Variants in SLC45A2 observed in about 807,000 individuals in gnomAD.
SLC45A2 encodes the protein membrane-associated transporter protein.
In SLC45A2, 36 loss-of-function variants were observed where a neutral mutation model predicts 45.5. The observed-to-expected ratio is 0.79, with a 90% CI of 0.61 to 1.04. The LOEUF (loss-of-function observed/expected upper bound fraction) is 1.04, where lower values mean the gene tolerates loss of function less well. Among genes scored for constraint, SLC45A2 ranks in the 50% least tolerant of loss-of-function variants. The pLI is 0.00. For synonymous variants in SLC45A2, 306 were observed against 269.3 expected, an observed-to-expected ratio of 1.14 and a Z score of -1.33; for missense variants, 719 against 671.0, an observed-to-expected ratio of 1.07 and a Z score of -0.79.
intron 2 of SLC45A2, among the ~76,000 whole-genome samples, chr5:33,977,322 G>T (rs1448626210): frequency 1.3e-5 from 2 of 152,198 alleles, no homozygotes; most frequent in Admixed American, 1.3e-4. Flanking sequence ...AAGGCCCCAG[G>T]AGGAGATGAA....
chr5:33,976,145 C>A (rs1485762675), intron 2 of SLC45A2, among the ~76,000 whole-genome samples: 4 of 152,162 alleles, frequency 2.6e-5, no homozygotes, highest in Admixed American at 2.0e-4. Context: ...TGCAAACAAC[C>A]CCTTCCTAAT....
chr5:33,976,724 T>C (rs1579558684), intron 2 of SLC45A2, among the ~76,000 whole-genome samples: 1 of 152,234 alleles, frequency 6.6e-6, no homozygotes, highest in East Asian at 1.9e-4. Flanking sequence ...TCCAGTTCCA[T>C]AACTGCTCTT....
intron 2 of SLC45A2, among the ~76,000 whole-genome samples, chr5:33,973,419 T>G (rs1288338748): frequency 6.6e-6 from 1 of 152,192 alleles, no homozygotes; most frequent in Non-Finnish European, 1.5e-5. Context: ...TGGGTGGAAC[T>G]TCAAAGGTTT....
chr5:33,963,637 AC>A, intron 3 of SLC45A2, 53 bp downstream of exon 3: 1 of 1,587,018 alleles, frequency 6.3e-7, no homozygotes, highest in South Asian at 1.1e-5. Context: ...AACAACAACA[AC>A]AACAAAGAGC....
intron 2 of SLC45A2, chr5:33,972,124 G>A: frequency 1.9e-6 from 1 of 518,792 alleles, no homozygotes; most frequent in South Asian, 1.4e-5. Context: ...TCAGAGAAAT[G>A]TTTAATTATG....
At chr5:33,951,734 T>C (rs1254847432) in intron 4 of SLC45A2, 57 bp from the exon 5 acceptor site, 3 of 1,608,988 alleles carry the variant, frequency 1.9e-6, no homozygotes, top group Non-Finnish European at 2.6e-6. Context: ...AGAACCCTTC[T>C]CATGCACTCT....
rs930005029 is a variant in SLC45A2 at position 33,963,511 on chromosome 5, T to G, written c.888+180A>C. The G allele has an allele frequency of 3.1e-5, 21 of 679,564 alleles. No homozygotes were observed. The East Asian group carries it at 5.7e-4, about 19-fold the overall frequency. The allele number at this position is 679,564 out of a possible 1,614,324, so 42.1% of individuals were successfully genotyped here. ...GAGGACCAGAGGAAAATGCAGACATTTTTCTTTGAGATATAAAATTTTAAT... is the reference window on the plus strand; with the variant it reads ...GAGGACCAGAGGAAAATGCAGACATGTTTCTTTGAGATATAAAATTTTAAT... On this transcript the variant is annotated intron_variant, in intron 3 of 6. Coordinates refer to ENST00000296589, the MANE Select transcript of SLC45A2 (RefSeq NM_016180.5).
chr5:33,964,075 T>G, intron 2 of SLC45A2, 59 bp from the exon 3 acceptor site: 1 of 1,549,848 alleles, frequency 6.5e-7, no homozygotes, highest in East Asian at 2.3e-5. Flanking sequence ...ATTTTCCTCA[T>G]GCATAGACAC....
At chr5:33,967,033 G>T (rs1476762179) in intron 2 of SLC45A2, among the ~76,000 whole-genome samples, 2 of 152,162 alleles carry the variant, frequency 1.3e-5, no homozygotes, top group African/African-American at 4.8e-5. Flanking sequence ...TCAAGCCCCA[G>T]CACATACCAT....
chr5:33,970,129 C>A (rs1164910530), intron 2 of SLC45A2, among the ~76,000 whole-genome samples: 1 of 152,192 alleles, frequency 6.6e-6, no homozygotes, highest in East Asian at 1.9e-4. Flanking sequence ...TGAGCCACTG[C>A]AAACCTTCTC....
chr5:33,945,920 G>C, intron 6 of SLC45A2: 1 of 966,810 alleles, frequency 1.0e-6, no homozygotes, highest in Non-Finnish European at 1.2e-6. Flanking sequence ...CAAAAAACTA[G>C]TAAGAGTGGT....
chr5:33,982,216 C>T lies in SLC45A2; in HGVS notation c.562+20G>A. The T allele has an allele frequency of 1.9e-6, 3 of 1,613,766 alleles. No individual in the cohort carries two copies. Among genetic ancestry groups the T allele is most frequent in the Admixed American group, 1.7e-5 (1 of 60,014 alleles). On this transcript the variant is annotated intron_variant, in intron 2 of 6. Transcript: ENST00000296589. ...ATTGTCTGGGGAGCTGAAGGAGAGA[C>T]TTTCTGGAATATTCCCTACCTGTGA...
intron 6 of SLC45A2, chr5:33,946,589 G>A (rs1751934954): frequency 2.0e-6 from 2 of 996,336 alleles, no homozygotes; most frequent in East Asian, 1.1e-4. Flanking sequence ...AATGGCACAG[G>A]TCCCGCTCAG....
intron 6 of SLC45A2, 99 bp from the exon 7 acceptor site, chr5:33,944,971 C>T: frequency 8.9e-7 from 1 of 1,118,854 alleles, no homozygotes; most frequent in Non-Finnish European, 1.3e-6. Context: ...ATAGTAAATA[C>T]CTTTGGCTTC....
intron 2 of SLC45A2, among the ~76,000 whole-genome samples, chr5:33,970,094 C>T (rs748617665): frequency 2.0e-5 from 3 of 152,184 alleles, no homozygotes; most frequent in Non-Finnish European, 4.4e-5. Flanking sequence ...GACTAGAAGT[C>T]ATCAGCTGAG....
intron 2 of SLC45A2, chr5:33,970,897 A>G (rs1178291739): frequency 1.4e-5 from 5 of 369,414 alleles, no homozygotes; most frequent in Non-Finnish European, 2.1e-5. Flanking sequence ...TTTCAGGACT[A>G]CAGCAAGAAG....
chr5:33,960,240 G>A (rs974453871), intron 3 of SLC45A2, among the ~76,000 whole-genome samples: 11 of 150,956 alleles, frequency 7.3e-5, no homozygotes, highest in African/African-American at 2.4e-4. Context: ...CTGCATCCAC[G>A]TCAACATCTA....
At chr5:33,950,607 C>T (rs1003929179) in intron 5 of SLC45A2, among the ~76,000 whole-genome samples, 3 of 152,156 alleles carry the variant, frequency 2.0e-5, no homozygotes, top group Non-Finnish European at 4.4e-5. Context: ...TACATCCACA[C>T]TTTCCCTTCA....
chr5:33,979,829 A>G (rs924700382), intron 2 of SLC45A2, among the ~76,000 whole-genome samples: 5 of 152,176 alleles, frequency 3.3e-5, no homozygotes, highest in African/African-American at 1.2e-4. Flanking sequence ...ACCTTGGCCG[A>G]GAGGAAGGGT....
Sources: allele counts gnomAD v4.1 joint callset (sites outside exome capture counted in the v4.1 genomes callset), GRCh38; gene constraint gnomAD v4.1.1; transcripts MANE v1.5; gene names NCBI Gene and HGNC (gene_info 2026-07-23, HGNC 2026-07-21).